Variants in SLC9A9 observed in about 807,000 individuals in gnomAD.
SLC9A9 encodes sodium/hydrogen exchanger 9.
A neutral mutation model predicts 77.8 loss-of-function variants in SLC9A9; 62 were observed. The ratio of observed to expected loss-of-function variants is 0.80; its 90% CI spans 0.65 to 0.98. The LOEUF is 0.98. SLC9A9 is among the 50% of genes least tolerant of loss of function. The pLI, the probability that SLC9A9 is intolerant of heterozygous loss-of-function variation, is 0.00. For missense variants in SLC9A9, 775 were observed against 774.9 expected, an observed-to-expected ratio of 1.00 and a Z score of 0.00; for synonymous variants, 320 against 283.5, an observed-to-expected ratio of 1.13 and a Z score of -1.29.
rs2008340243 is a variant in SLC9A9, at chr3:143,795,080, G to T, written c.457-3C>A. ...CCTAAGTTTTGAAAAAAGTGTCTCT[G>T]GGGAGAAAAAAAGATATTTAATAGA... On this transcript the variant is annotated splice_polypyrimidine_tract_variant and splice_region_variant and intron_variant, in intron 3 of 15. Transcript: ENST00000316549. 1 of 1,611,548 alleles carries T rather than the reference G, an allele frequency of 6.2e-7. No individual in the cohort carries two copies. The highest frequency in any genetic ancestry group is 8.5e-7 in the Non-Finnish European group (1 of 1,178,648).
At chr3:143,428,265 G>C (rs1271681507) in intron 12 of SLC9A9, among the ~76,000 whole-genome samples, 1 of 152,070 alleles carries the variant, frequency 6.6e-6, no homozygotes, top group Non-Finnish European at 1.5e-5. Context: ...TAAAAGACCT[G>C]AATAGACATT....
rs539109539 is a variant in SLC9A9, at chr3:143,607,199, A to G, written c.756-28476T>C. Among the ~76,000 whole-genome samples the G allele has an allele frequency of 2.5e-4, 38 of 152,240 alleles. 1 individual carries two copies. The highest frequency in any genetic ancestry group is 2.2e-3 in the Admixed American group (33 of 15,288). On this transcript the variant is annotated intron_variant, in intron 6 of 15. Coordinates refer to ENST00000316549, the MANE Select transcript of SLC9A9 (RefSeq NM_173653.4). ...CCAGATAAACTATATTTCAAAAGTG[A>G]GGACAAAATAGATTTTTAAGCAAAA...
chr3:143,577,696 T>G (rs1218053540), intron 7 of SLC9A9, among the ~76,000 whole-genome samples: 3 of 152,174 alleles, frequency 2.0e-5, no homozygotes, highest in African/African-American at 7.2e-5. Flanking sequence ...TAGCAGCTGC[T>G]CAGTGAATGT....
intron 1 of SLC9A9, among the ~76,000 whole-genome samples, chr3:143,843,195 TC>T (rs1182349959): frequency 1.3e-5 from 2 of 152,090 alleles, no homozygotes; most frequent in African/African-American, 4.8e-5. Flanking sequence ...AGGAAGCATC[TC>T]CCATAGGCCT....
chr3:143,442,662 C>T (rs760313520), intron 12 of SLC9A9, among the ~76,000 whole-genome samples: 4 of 152,208 alleles, frequency 2.6e-5, no homozygotes, highest in Non-Finnish European at 5.9e-5. Context: ...GCAGAGGTTG[C>T]AGTGAGCCAA....
At chr3:143,576,729 T>C (rs2037365879) in intron 7 of SLC9A9, among the ~76,000 whole-genome samples, 1 of 152,126 alleles carries the variant, frequency 6.6e-6, no homozygotes, top group South Asian at 2.1e-4. Context: ...TCACATCCAA[T>C]AAAAATAGCA....
chr3:143,369,534 G>C (rs1176948204), intron 13 of SLC9A9, among the ~76,000 whole-genome samples: 1 of 152,046 alleles, frequency 6.6e-6, no homozygotes, highest in Non-Finnish European at 1.5e-5. Flanking sequence ...AAATGTTTGA[G>C]GTAATGGCTA....
intron 11 of SLC9A9, among the ~76,000 whole-genome samples, chr3:143,486,451 A>G (rs2035654398): frequency 6.6e-6 from 1 of 152,088 alleles, no homozygotes; most frequent in South Asian, 2.1e-4. Flanking sequence ...TTTCTTTTCT[A>G]TGTGATTTAA....
chr3:143,324,330 C>T (rs755972772), intron 14 of SLC9A9, among the ~76,000 whole-genome samples: 1 of 152,168 alleles, frequency 6.6e-6, no homozygotes, highest in African/African-American at 2.4e-5. Context: ...AAGCTCCAAC[C>T]GCAAGCCTAG....
At chr3:143,729,540 T>C (rs1934749313) in intron 4 of SLC9A9, among the ~76,000 whole-genome samples, 1 of 152,164 alleles carries the variant, frequency 6.6e-6, no homozygotes, top group Non-Finnish European at 1.5e-5. Flanking sequence ...TGTCTTTTTA[T>C]ATCTGTGGAT....
Position 143,346,029 on chromosome 3 carries a change from T to A in SLC9A9, c.1604+17455A>T, listed in dbSNP as rs191611169. Among the ~76,000 whole-genome samples, 342 of 152,216 alleles carry A rather than the reference T, an allele frequency of 2.2e-3. 1 individual carries two copies. The highest frequency in any genetic ancestry group is 7.9e-3 in the African/African-American group (327 of 41,526). ...CTACTGAATGCAAAGATTTTTTTTT[T>A]AATTAAGCTAAAGGGAAAAGAGACC... On this transcript the variant is annotated intron_variant, in intron 14 of 15. Transcript: ENST00000316549.
chr3:143,463,581 A>G (rs1373128806), intron 12 of SLC9A9, among the ~76,000 whole-genome samples: 4 of 152,196 alleles, frequency 2.6e-5, no homozygotes, highest in Non-Finnish European at 1.5e-5. Context: ...GCCAGTATTA[A>G]TGTATTCCAC....
intron 12 of SLC9A9, among the ~76,000 whole-genome samples, chr3:143,419,963 G>A (rs919324460): frequency 1.3e-5 from 2 of 152,162 alleles, no homozygotes; most frequent in African/African-American, 2.4e-5. Flanking sequence ...CAGGGAGTAT[G>A]GAATGCTGGG....
intron 11 of SLC9A9, among the ~76,000 whole-genome samples, chr3:143,492,167 C>T (rs1405663190): frequency 6.6e-6 from 1 of 152,018 alleles, no homozygotes; most frequent in Non-Finnish European, 1.5e-5. Flanking sequence ...TGGCAGGCGC[C>T]TGTAGTCCCA....
At chr3:143,355,403 A>T (rs1159920769) in intron 14 of SLC9A9, among the ~76,000 whole-genome samples, 1 of 152,230 alleles carries the variant, frequency 6.6e-6, no homozygotes, top group African/African-American at 2.4e-5. Context: ...GTGTTAATTC[A>T]TTTAATTATC....
At chr3:143,624,596 G>A (rs1375523296) in intron 6 of SLC9A9, among the ~76,000 whole-genome samples, 2 of 152,082 alleles carry the variant, frequency 1.3e-5, no homozygotes, top group Non-Finnish European at 2.9e-5. Context: ...CAATAAATCA[G>A]GTATTGATGG....
chr3:143,704,346 T>C (rs1933893717), intron 4 of SLC9A9, among the ~76,000 whole-genome samples: 1 of 152,198 alleles, frequency 6.6e-6, no homozygotes, highest in South Asian at 2.1e-4. Flanking sequence ...CAAACTGAAT[T>C]CAATAACGCA....
intron 4 of SLC9A9, among the ~76,000 whole-genome samples, chr3:143,730,097 T>G (rs1934761936): frequency 6.6e-6 from 1 of 152,176 alleles, no homozygotes; most frequent in Admixed American, 6.5e-5. Flanking sequence ...GAAATTGAAG[T>G]GCACATGTCA....
chr3:143,399,055 C>T (rs2033793017), intron 12 of SLC9A9, among the ~76,000 whole-genome samples: 1 of 152,022 alleles, frequency 6.6e-6, no homozygotes, highest in Non-Finnish European at 1.5e-5. Flanking sequence ...ATCTATATTT[C>T]ACTTCTATTT....
Sources: allele counts gnomAD v4.1 joint callset (sites outside exome capture counted in the v4.1 genomes callset), GRCh38; gene constraint gnomAD v4.1.1; transcripts MANE v1.5; gene names NCBI Gene and HGNC (gene_info 2026-07-23, HGNC 2026-07-21).